Variants in GRM8 observed in about 807,000 individuals in gnomAD.
The protein encoded by GRM8 is glutamate metabotropic receptor 8, also known as metabotropic glutamate receptor 8.
GRM8 carries 47 observed loss-of-function variants against 87.2 expected under a neutral mutation model. The ratio of observed to expected loss-of-function variants is 0.54; its 90% CI spans 0.43 to 0.69. GRM8 has a LOEUF of 0.69. GRM8 is among the 30% of genes least tolerant of loss of function. The pLI is 0.00. For synonymous variants in GRM8, 396 were observed against 404.5 expected (o/e 0.98, Z 0.25); for missense variants, 1,019 against 1,139.2 (o/e 0.89, Z 1.52).
intron 9 of GRM8, among the ~76,000 whole-genome samples, chr7:126,476,969 G>T (rs192253400): frequency 6.6e-6 from 1 of 152,162 alleles, no homozygotes; most frequent in East Asian, 1.9e-4. Flanking sequence ...CACAATAGCA[G>T]AGATATGGAA....
In GRM8 at chr7:126,599,496, A is replaced by G. The variant is rs1403602113; in HGVS notation, c.1494+9866T>C. ...GAACATTTAGTAAGTCCCATATTAT[A>G]CTAATCATTGAAGACATAAAGCCAA... On this transcript the variant is annotated intron_variant, in intron 8 of 10. Transcript: ENST00000339582. Among the ~76,000 whole-genome samples, 3 of 152,138 alleles carry G rather than the reference A, an allele frequency of 2.0e-5. No homozygotes were observed. The South Asian group carries it at 6.2e-4, about 31-fold the overall frequency.
At chr7:126,885,614 T>TTG (rs1800419107) in intron 6 of GRM8, among the ~76,000 whole-genome samples, 1 of 152,184 alleles carries the variant, frequency 6.6e-6, no homozygotes, top group Non-Finnish European at 1.5e-5. Flanking sequence ...TTCTTGTTTT[T>TTG]TGTAGCATGA....
At chr7:127,094,518 T>C (rs555486141) in intron 3 of GRM8, among the ~76,000 whole-genome samples, 2 of 152,326 alleles carry the variant, frequency 1.3e-5, no homozygotes, top group South Asian at 4.1e-4. Context: ...AAGCAGAGAT[T>C]GAAGTGATGC....
chr7:127,034,226 TA>T, intron 3 of GRM8, among the ~76,000 whole-genome samples: 1 of 152,204 alleles, frequency 6.6e-6, no homozygotes, highest in East Asian at 1.9e-4. Flanking sequence ...AGAAAAGCCT[TA>T]ATTGTCTTAC....
chr7:126,488,141 G>A (rs896533961), intron 9 of GRM8, among the ~76,000 whole-genome samples: 4 of 151,740 alleles, frequency 2.6e-5, no homozygotes, highest in Non-Finnish European at 5.9e-5. Context: ...AATTTTCCTT[G>A]CTTTATCAAT....
intron 7 of GRM8, among the ~76,000 whole-genome samples, chr7:126,723,555 CA>C (rs5887305): frequency 0.44 from 63,527 of 145,850 alleles, 13,747 homozygotes; most frequent in East Asian, 0.52. Context: ...AGAGGCGAAC[CA>C]AAAAAAAAAA....
At chr7:126,839,749 CAG>C (rs1254590883) in intron 6 of GRM8, among the ~76,000 whole-genome samples, 3 of 152,160 alleles carry the variant, frequency 2.0e-5, no homozygotes, top group African/African-American at 7.2e-5. Context: ...CCAAACTGAA[CAG>C]AGTTTTGACT....
At chr7:126,598,812 A>T (rs964543987) in intron 8 of GRM8, among the ~76,000 whole-genome samples, 79 of 152,108 alleles carry the variant, frequency 5.2e-4, no homozygotes, top group Non-Finnish European at 1.0e-3. Context: ...TAGCTCAAAA[A>T]TATCTTAAAA....
chr7:127,157,616 A>C (rs973805107), intron 2 of GRM8, among the ~76,000 whole-genome samples: 5 of 152,170 alleles, frequency 3.3e-5, no homozygotes, highest in Non-Finnish European at 7.4e-5. Context: ...ATTTTGAAGA[A>C]CCACAGCCAA....
intron 7 of GRM8, among the ~76,000 whole-genome samples, chr7:126,639,711 C>A (rs550857519): frequency 6.6e-6 from 1 of 152,096 alleles, no homozygotes; most frequent in East Asian, 1.9e-4. Flanking sequence ...AAATAGGGGA[C>A]AACAATATTG....
chr7:126,647,336 TAG>T (rs749991169), intron 7 of GRM8, among the ~76,000 whole-genome samples: 11 of 60,292 alleles, frequency 1.8e-4, no homozygotes, highest in African/African-American at 4.0e-4. Flanking sequence ...GATAGATAGA[TAG>T]ATAGATATAG....
intron 9 of GRM8, among the ~76,000 whole-genome samples, chr7:126,457,406 A>C (rs191715861): frequency 2.4e-4 from 37 of 151,646 alleles, no homozygotes; most frequent in Admixed American, 1.1e-3. Flanking sequence ...TATGAAAAAT[A>C]ATCTATTAAA....
intron 6 of GRM8, among the ~76,000 whole-genome samples, chr7:126,809,276 C>A (rs1347152350): frequency 6.6e-6 from 1 of 152,126 alleles, no homozygotes; most frequent in Non-Finnish European, 1.5e-5. Flanking sequence ...AAACTGAACC[C>A]CCTTGACATA....
intron 6 of GRM8, among the ~76,000 whole-genome samples, chr7:126,868,606 G>C (rs1377969043): frequency 1.3e-5 from 2 of 152,166 alleles, no homozygotes; most frequent in African/African-American, 2.4e-5. Flanking sequence ...TGCACGTTTT[G>C]TTCTAGACTA....
intron 6 of GRM8, among the ~76,000 whole-genome samples, chr7:126,817,766 A>G (rs1563215554): frequency 1.3e-5 from 2 of 152,160 alleles, no homozygotes; most frequent in African/African-American, 4.8e-5. Flanking sequence ...TTATGAGTCA[A>G]TAACCCACCT....
intron 7 of GRM8, among the ~76,000 whole-genome samples, chr7:126,664,029 G>T (rs1805499395): frequency 6.6e-6 from 1 of 151,968 alleles, no homozygotes; most frequent in Non-Finnish European, 1.5e-5. Context: ...TCAAGAACAT[G>T]ATCCCATTTA....
At chr7:126,677,410 A>T (rs1807088796) in intron 7 of GRM8, among the ~76,000 whole-genome samples, 1 of 151,890 alleles carries the variant, frequency 6.6e-6, no homozygotes, top group South Asian at 2.1e-4. Flanking sequence ...GCATATAGTT[A>T]TCACAGTACA....
At chr7:126,646,102 T>G (rs1020724024) in intron 7 of GRM8, among the ~76,000 whole-genome samples, 4 of 152,154 alleles carry the variant, frequency 2.6e-5, no homozygotes, top group Non-Finnish European at 5.9e-5. Context: ...GGGCCTCTAT[T>G]CACAAGTTAT....
intron 2 of GRM8, among the ~76,000 whole-genome samples, chr7:127,163,608 G>A (rs950937460): frequency 2.2e-4 from 33 of 152,242 alleles, no homozygotes; most frequent in African/African-American, 7.7e-4. Context: ...GAATGATACT[G>A]TGATTATTTT....
Sources: gnomAD v4.1 joint callset for allele counts (sites outside exome capture counted in the v4.1 genomes callset) on GRCh38, gnomAD v4.1.1 for gene constraint, MANE v1.5 for transcripts, NCBI Gene and HGNC (gene_info 2026-07-23, HGNC 2026-07-21) for gene names.